Variants in DAG1 observed in about 807,000 individuals in gnomAD.
DAG1 encodes dystroglycan 1.
A neutral mutation model predicts 46.1 loss-of-function variants in DAG1; 8 were observed. That is an observed-to-expected ratio of 0.17 (90% CI 0.10 to 0.31). The LOEUF is 0.31. DAG1 is among the 10% of genes least tolerant of loss of function. The pLI, the probability that DAG1 is intolerant of heterozygous loss-of-function variation, is 1.00. For missense variants in DAG1, 1,003 were observed against 1,189.9 expected (o/e 0.84, Z 2.31); for synonymous variants, 495 against 481.8 (o/e 1.03, Z -0.36).
At chr3:49,474,339 C>T (rs1405583534) in intron 1 of DAG1, among the ~76,000 whole-genome samples, 1 of 151,958 alleles carries the variant, frequency 6.6e-6, no homozygotes, top group Admixed American at 6.6e-5. Flanking sequence ...CAGGCGTGAG[C>T]CACCGCACCC....
chr3:49,518,377 G>A (rs934596060), intron 2 of DAG1, among the ~76,000 whole-genome samples: 10 of 152,182 alleles, frequency 6.6e-5, no homozygotes, highest in African/African-American at 1.9e-4. Flanking sequence ...TTCTAAGTGA[G>A]CTGTGTTGAC....
chr3:49,507,730 ATTATGGC>A (rs2050645302), intron 1 of DAG1, among the ~76,000 whole-genome samples: 1 of 148,186 alleles, frequency 6.7e-6, no homozygotes, highest in Non-Finnish European at 1.5e-5. Context: ...CAGTGGTGTG[ATTATGGC>A]TTATTACAGC....
chr3:49,496,663 A>AT (rs902633913), intron 1 of DAG1, among the ~76,000 whole-genome samples: 2 of 145,364 alleles, frequency 1.4e-5, no homozygotes, highest in Non-Finnish European at 3.0e-5. Context: ...CCCGGCCTAA[A>AT]TTTTTTTTTC....
chr3:49,520,253 T>C lies in DAG1; in HGVS notation c.285+9434T>C, dbSNP rs370169038. On this transcript the variant is annotated intron_variant, in intron 2 of 2. Coordinates refer to ENST00000308775, the MANE Select transcript of DAG1 (RefSeq NM_004393.6). Reference sequence around the variant, plus strand: ...CATTAGCAGAAGGCCACAGAGCAGATTTATCTCATTGTCTTAGTCCATGGC... The same window carrying C: ...CATTAGCAGAAGGCCACAGAGCAGACTTATCTCATTGTCTTAGTCCATGGC... Among the ~76,000 whole-genome samples the C allele has an allele frequency of 2.7e-3, 418 of 152,354 alleles. 15 individuals carry two copies. The South Asian group carries it at 0.082, about 30-fold the overall frequency.
intron 1 of DAG1, among the ~76,000 whole-genome samples, chr3:49,478,829 T>TTTTTTTTTTC (rs2049777689): frequency 9.6e-6 from 1 of 103,686 alleles, no homozygotes. Context: ...TTTTTTTTTT[T>TTTTTTTTTTC]TGGATACAGA....
chr3:49,473,112 T>A (rs1399014531), intron 1 of DAG1, among the ~76,000 whole-genome samples: 9 of 133,148 alleles, frequency 6.8e-5, no homozygotes, highest in African/African-American at 1.4e-4. Context: ...TCAAAAAAAA[T>A]AAAAAATAAA....
At chr3:49,482,012 T>C (rs2049894752) in intron 1 of DAG1, among the ~76,000 whole-genome samples, 1 of 152,162 alleles carries the variant, frequency 6.6e-6, no homozygotes, top group Admixed American at 6.6e-5. Context: ...AGAACAACTA[T>C]TTTCATACCA....
intron 1 of DAG1, among the ~76,000 whole-genome samples, chr3:49,480,167 T>C (rs909725860): frequency 2.8e-5 from 4 of 144,856 alleles, no homozygotes; most frequent in African/African-American, 1.0e-4. Flanking sequence ...TTGGTCAGGC[T>C]GGTCTCGAAC....
At position 49,510,653 on chromosome 3, in the gene DAG1, G is replaced by A; in HGVS notation, c.119G>A (p.Arg40Lys). The A allele has an allele frequency of 6.2e-7, 1 of 1,614,160 alleles. No individual in the cohort carries two copies. The highest frequency in any genetic ancestry group is 1.1e-5 in the South Asian group (1 of 91,080). ...HWPSEPSEAV[R>K]DWENQLEASM... ...CCCAGTGAACCCTCAGAGGCTGTCA[G>A]GGACTGGGAAAACCAGCTTGAGGCA... The change falls in exon 2 of 3, where the codon AGG (arginine) becomes AAG (lysine). Residue 40 changes from arginine to lysine, a missense_variant. Arg to Lys is a conservative substitution (Grantham distance 26). Coordinates refer to ENST00000308775, the MANE Select transcript of DAG1 (RefSeq NM_004393.6).
At chr3:49,525,356 T>C (rs2051140235) in intron 2 of DAG1, among the ~76,000 whole-genome samples, 1 of 152,172 alleles carries the variant, frequency 6.6e-6, no homozygotes. Context: ...CTTGTGGTGC[T>C]ATAAAGAAAT....
intron 1 of DAG1, among the ~76,000 whole-genome samples, chr3:49,478,032 C>T (rs1035801101): frequency 2.6e-4 from 40 of 151,254 alleles, no homozygotes; most frequent in African/African-American, 8.0e-4. Context: ...TTTGGGAGGC[C>T]GAGGCGGGTA....
At chr3:49,489,381 C>T (rs1191038134) in intron 1 of DAG1, among the ~76,000 whole-genome samples, 3 of 152,128 alleles carry the variant, frequency 2.0e-5, no homozygotes, top group Non-Finnish European at 4.4e-5. Context: ...TGTGAGCCAC[C>T]GTGCCTGGCC....
At chr3:49,503,985 A>T (rs1349512408) in intron 1 of DAG1, among the ~76,000 whole-genome samples, 1 of 152,208 alleles carries the variant, frequency 6.6e-6, no homozygotes, top group Non-Finnish European at 1.5e-5. Context: ...TCCTATGTAC[A>T]GTTACCCAGT....
intron 1 of DAG1, among the ~76,000 whole-genome samples, chr3:49,478,534 T>G (rs1259995135): frequency 4.7e-5 from 6 of 126,470 alleles, no homozygotes; most frequent in African/African-American, 1.7e-4. Context: ...AGAGTTTTTT[T>G]TTTTTTTTTT....
At chr3:49,517,681 A>T (rs2050933362) in intron 2 of DAG1, among the ~76,000 whole-genome samples, 1 of 152,236 alleles carries the variant, frequency 6.6e-6, no homozygotes, top group South Asian at 2.1e-4. Flanking sequence ...GGTTTGGAAG[A>T]TCAGGGCCAA....
In DAG1 at chr3:49,532,806, C is replaced by T. The variant is rs748148456; in HGVS notation, c.2295C>T (p.Leu765=). 5.6e-6 allele frequency: 9 copies of T among 1,613,946 alleles called. No individual in the cohort carries two copies. The highest frequency in any genetic ancestry group is 4.0e-5 in the African/African-American group (3 of 74,934). ...CCGTGGTGGTCGCAGCCATCCTGCT[C>T]ATTGCTGGCATCATTGCCATGATCT... The part of the protein sequence containing the change: ...IPAVVVAAIL[L]IAGIIAMICY... The change falls in exon 3 of 3, where the codon CTC becomes CTT. Residue 765 remains leucine, a synonymous_variant. Transcript: ENST00000308775. This position sits in a 1 kb window ranked among gnomAD's most constrained non-coding sequence, Gnocchi z 5.4.
At chr3:49,481,655 A>T (rs190964414) in intron 1 of DAG1, among the ~76,000 whole-genome samples, 6 of 152,188 alleles carry the variant, frequency 3.9e-5, no homozygotes, top group African/African-American at 1.2e-4. Context: ...TGGATACCCT[A>T]AGTATAGGGG....
At chr3:49,472,724 G>A (rs576659253) in intron 1 of DAG1, among the ~76,000 whole-genome samples, 2 of 151,838 alleles carry the variant, frequency 1.3e-5, no homozygotes, top group Non-Finnish European at 2.9e-5. Context: ...GGAGAATGGC[G>A]TGAACCCGGG....
In DAG1 at chr3:49,532,454, A is replaced by C; in HGVS notation, c.1943A>C (p.Gln648Pro). 1 of 1,614,250 alleles carries C rather than the reference A, an allele frequency of 6.2e-7. No homozygotes were observed. The highest frequency in any genetic ancestry group is 8.5e-7 in the Non-Finnish European group (1 of 1,180,046). ...CGAAACTGTAGCACCATCACCCTGCAGAATATCACCCGGGGCTCCATCGTG... is the reference window on the plus strand; with the variant it reads ...CGAAACTGTAGCACCATCACCCTGCCGAATATCACCCGGGGCTCCATCGTG... Reference protein sequence around the residue: ...GDRNCSTITLQNITRGSIVVE... With the variant: ...GDRNCSTITLPNITRGSIVVE... Residue 648 changes from glutamine (Q) to proline (P), a missense_variant, in exon 3 of 3, where the codon CAG becomes CCG. This residue lies in a region of DAG1 where 755 missense variants were observed against 854.1 expected (regional missense o/e 0.88). Coordinates refer to ENST00000308775, the MANE Select transcript of DAG1 (RefSeq NM_004393.6). This position sits in a 1 kb window ranked among gnomAD's most constrained non-coding sequence, Gnocchi z 5.4.
Sources: allele counts gnomAD v4.1 joint callset (sites outside exome capture counted in the v4.1 genomes callset), GRCh38; gene constraint gnomAD v4.1.1; regional missense constraint gnomAD v4.1.1; non-coding constraint Gnocchi (gnomAD v3.1); transcripts MANE v1.5; gene names NCBI Gene and HGNC (gene_info 2026-07-23, HGNC 2026-07-21).